RAB3C: variants seen among roughly 807,000 people sequenced by gnomAD.
RAB3C encodes ras-related protein Rab-3C.
In RAB3C, 17 loss-of-function variants were observed where a neutral mutation model predicts 26.4. That is an observed-to-expected ratio of 0.64 (90% CI 0.44 to 0.97). RAB3C has a LOEUF of 0.97. Ranked by LOEUF, RAB3C falls within the 50% of genes least tolerant of loss-of-function variation. The probability of loss-of-function intolerance (pLI) is 0.00; values close to 1 mark genes in which losing one functional copy is unlikely to be tolerated. For missense variants in RAB3C, 242 were observed against 281.9 expected (o/e 0.86, Z 1.01); for synonymous variants, 91 against 95.9 (o/e 0.95, Z 0.30).
At chr5:58,848,499 C>T (rs1044533393) in intron 4 of RAB3C, 12 of 152,244 alleles carry the variant, frequency 7.9e-5, no homozygotes, top group Admixed American at 2.0e-4. Flanking sequence ...AGCTGAGCAA[C>T]GAAATACTTG....
rs141429288 is a variant in RAB3C, at chr5:58,680,996, T to G, written c.253-45006T>G. Among the ~76,000 whole-genome samples, 422 of 152,344 alleles carry G rather than the reference T, an allele frequency of 2.8e-3. 1 individual carries two copies. Among genetic ancestry groups the G allele is most frequent in the African/African-American group, 9.6e-3 (399 of 41,590 alleles). On this transcript the variant is annotated intron_variant, in intron 2 of 4. Transcript: ENST00000282878. ...ACATAAATCTTAATGGAATAAGGGC[T>G]AATTTTTAAATTTATTTAATAAAAT...
chr5:58,725,248 C>A (rs1740862435), intron 2 of RAB3C, among the ~76,000 whole-genome samples: 1 of 151,584 alleles, frequency 6.6e-6, no homozygotes, highest in African/African-American at 2.4e-5. Flanking sequence ...AAAATGCAGT[C>A]CCACTCTCTC....
intron 2 of RAB3C, among the ~76,000 whole-genome samples, chr5:58,623,845 TC>T (rs1328215901): frequency 3.9e-5 from 6 of 151,970 alleles, no homozygotes; most frequent in Non-Finnish European, 5.9e-5. Flanking sequence ...GACTTTGGAG[TC>T]TGGTGACCCA....
chr5:58,716,794 C>G (rs115253291), intron 2 of RAB3C, among the ~76,000 whole-genome samples: 3,407 of 138,558 alleles, frequency 0.025, 122 homozygotes, highest in African/African-American at 0.088. Flanking sequence ...AGTCATTGTT[C>G]TCTTATTAAA....
intron 1 of RAB3C, 173 bp downstream of exon 1, chr5:58,583,405 T>C (rs1040549324): frequency 1.1e-6 from 1 of 930,974 alleles, no homozygotes; most frequent in African/African-American, 1.8e-5. Flanking sequence ...TCTGTGTGGC[T>C]GTGATTGGGG....
chr5:58,657,757 T>G (rs1379090975), intron 2 of RAB3C, among the ~76,000 whole-genome samples: 2 of 152,226 alleles, frequency 1.3e-5, no homozygotes, highest in East Asian at 3.8e-4. Context: ...TCTCACAGAA[T>G]GTACCTTCAC....
intron 3 of RAB3C, among the ~76,000 whole-genome samples, chr5:58,815,020 G>C (rs756981899): frequency 5.9e-5 from 9 of 152,144 alleles, no homozygotes; most frequent in Non-Finnish European, 1.3e-4. Flanking sequence ...GGATCAAACA[G>C]ATCCTTCCAG....
intron 2 of RAB3C, among the ~76,000 whole-genome samples, chr5:58,718,993 A>G (rs557556527): frequency 1.3e-5 from 2 of 152,170 alleles, no homozygotes; most frequent in African/African-American, 4.8e-5. Context: ...ATTTCTAAAA[A>G]TGCAACTTGG....
chr5:58,646,119 A>G (rs1440148040), intron 2 of RAB3C, among the ~76,000 whole-genome samples: 1 of 152,110 alleles, frequency 6.6e-6, no homozygotes, highest in Non-Finnish European at 1.5e-5. Context: ...CCTGATTTCT[A>G]TTTTGGCTTC....
intron 1 of RAB3C, among the ~76,000 whole-genome samples, chr5:58,616,855 G>A (rs1684470271): frequency 6.6e-6 from 1 of 152,116 alleles, no homozygotes; most frequent in East Asian, 1.9e-4. Context: ...ACTTGCGCAT[G>A]CCTCCCTAGT....
At chr5:58,597,211 T>A (rs567602458) in intron 1 of RAB3C, among the ~76,000 whole-genome samples, 135 of 4,494 alleles carry the variant, frequency 0.03, 12 homozygotes, top group South Asian at 0.12. Context: ...ATATACTACA[T>A]AAATATTATA....
chr5:58,591,806 T>G (rs1746132768), intron 1 of RAB3C, among the ~76,000 whole-genome samples: 1 of 150,908 alleles, frequency 6.6e-6, no homozygotes, highest in Admixed American at 6.6e-5. Context: ...CTGTTTCTTT[T>G]TCTTTCTCTG....
chr5:58,743,644 G>C (rs781591318), intron 3 of RAB3C, among the ~76,000 whole-genome samples: 3 of 151,982 alleles, frequency 2.0e-5, no homozygotes, highest in Non-Finnish European at 4.4e-5. Context: ...ACTCCCACTT[G>C]TGAGTGAGAA....
intron 2 of RAB3C, among the ~76,000 whole-genome samples, chr5:58,684,528 T>C (rs528392756): frequency 6.6e-6 from 1 of 152,244 alleles, no homozygotes; most frequent in Admixed American, 6.5e-5. Flanking sequence ...ATAGTGTCTT[T>C]TTTTCTGGCT....
intron 2 of RAB3C, among the ~76,000 whole-genome samples, chr5:58,667,258 T>C (rs575978493): frequency 6.6e-6 from 1 of 152,336 alleles, no homozygotes; most frequent in African/African-American, 2.4e-5. Context: ...TAGATCTGCA[T>C]GACAGAGTTC....
At position 58,726,271 on chromosome 5, in the gene RAB3C, G is replaced by T. The variant is rs1421068771; in HGVS notation, c.371+151G>T. On this transcript the variant is annotated intron_variant, in intron 3 of 4. Coordinates refer to ENST00000282878, the MANE Select transcript of RAB3C (RefSeq NM_138453.4). Reference sequence around the variant, plus strand: ...TGTGCTTCATTTAAAAAAAAATGCTGTTTATGCACAGAAGCATTATTCAGG... The same window carrying T: ...TGTGCTTCATTTAAAAAAAAATGCTTTTTATGCACAGAAGCATTATTCAGG... The T allele has an allele frequency of 8.4e-6, 4 of 477,882 alleles. No homozygotes were observed. The Admixed American group carries it at 1.1e-4, about 13-fold the overall frequency. 29.6% of individuals were successfully genotyped at this position (477,882 alleles called of 1,614,324 possible). A position where few individuals can be genotyped will look rare whatever the true frequency, so the allele number is the denominator to read the frequency against.
chr5:58,726,084 T>C lies in RAB3C; in HGVS notation c.335T>C (p.Ile112Thr). ...ATGGGCTTTATTTTAATGTATGACA[T>C]TACAAATGAAGAATCCTTCAATGCA... ...GAMGFILMYD[I>T]TNEESFNAVQ... The change falls in exon 3 of 5, where the codon ATT becomes ACT. Residue 112 changes from isoleucine (I) to threonine (T), a missense_variant. Ile to Thr is a moderately conservative substitution (Grantham distance 89). Transcript: ENST00000282878. The C allele has an allele frequency of 6.2e-7, 1 of 1,602,588 alleles. No homozygotes were observed. The highest frequency in any genetic ancestry group is 8.5e-7 in the Non-Finnish European group (1 of 1,171,432).
At chr5:58,683,156 T>C (rs1287858469) in intron 2 of RAB3C, among the ~76,000 whole-genome samples, 1 of 152,218 alleles carries the variant, frequency 6.6e-6, no homozygotes, top group Non-Finnish European at 1.5e-5. Context: ...ATGACCCAAA[T>C]ATTGAATATT....
intron 2 of RAB3C, among the ~76,000 whole-genome samples, chr5:58,723,227 T>C (rs1428023810): frequency 6.6e-6 from 1 of 151,838 alleles, no homozygotes; most frequent in Non-Finnish European, 1.5e-5. Context: ...TTTTCTGCCA[T>C]TGATAGTATG....
Sources: allele counts gnomAD v4.1 joint callset (sites outside exome capture counted in the v4.1 genomes callset), GRCh38; gene constraint gnomAD v4.1.1; transcripts MANE v1.5; gene names NCBI Gene and HGNC (gene_info 2026-07-23, HGNC 2026-07-21).